RPL31: variants seen among roughly 807,000 people sequenced by gnomAD.
RPL31 encodes the protein large ribosomal subunit protein eL31.
For synonymous variants in RPL31, 51 were observed against 55.0 expected, an observed-to-expected ratio of 0.93 and a Z score of 0.32; for missense variants, 95 against 164.0, an observed-to-expected ratio of 0.58 and a Z score of 2.30.
downstream of RPL31, among the ~76,000 whole-genome samples, chr2:101,009,369 G>GCA (rs1023135696): frequency 6.7e-6 from 1 of 148,802 alleles, no homozygotes; most frequent in Non-Finnish European, 1.5e-5. Context: ...TCGTGCCACT[G>GCA]CACTCTAGCC....
exon 5 of RPL31, chr2:101,019,070 G>C: frequency 6.2e-7 from 1 of 1,600,650 alleles, no homozygotes; most frequent in Non-Finnish European, 8.5e-7. Context: ...ATGAGGCCTT[G>C]GGTCTCGGCT....
At position 101,018,250 on chromosome 2, in the gene RPL31, GAA is replaced by G. The variant is rs200248648; in HGVS notation, c.347-747_347-746del. On this transcript the variant is annotated intron_variant, in intron 4 of 4. Coordinates refer to the RPL31 transcript ENST00000409028. ...AAACATTTGTGACCTCCTTTTTTCCGAAGTTTAATTTTTGCTTTGAATTCATA... is the reference window on the plus strand; with the variant it reads ...AAACATTTGTGACCTCCTTTTTTCCGGTTTAATTTTTGCTTTGAATTCATA... 93 of 221,358 alleles carry G rather than the reference GAA, an allele frequency of 4.2e-4. 1 individual carries two copies. In the Middle Eastern group the frequency reaches 7.7e-3, roughly 18 times the overall value. 13.7% of individuals were successfully genotyped at this position (221,358 alleles called of 1,614,324 possible). A position where few individuals can be genotyped will look rare whatever the true frequency, so the allele number is the denominator to read the frequency against.
chr2:101,002,834 G>C (rs765505840), intron 2 of RPL31, 26 bp downstream of exon 2: 1 of 1,551,784 alleles, frequency 6.4e-7, no homozygotes, highest in South Asian at 1.1e-5. Flanking sequence ...GCCGCCCTGG[G>C]TCTCGAACTC....
intron 4 of RPL31, among the ~76,000 whole-genome samples, chr2:101,017,418 G>A (rs1679737140): frequency 6.6e-6 from 1 of 152,196 alleles, no homozygotes; most frequent in Non-Finnish European, 1.5e-5. Flanking sequence ...CGGCAATAGA[G>A]TTGTTTACAC....
At chr2:101,011,323 T>G, downstream of RPL31, 4 of 993,816 alleles carry the variant, frequency 4.0e-6, no homozygotes, top group Non-Finnish European at 6.1e-6. Context: ...GGCAGTGAGT[T>G]TGGGGATAAT....
intron 4 of RPL31, among the ~76,000 whole-genome samples, chr2:101,018,690 AG>A (rs1474374950): frequency 1.3e-5 from 2 of 152,228 alleles, no homozygotes; most frequent in East Asian, 3.8e-4. Flanking sequence ...TCATGATGTG[AG>A]GGGTCCTCAT....
In RPL31 at chr2:101,006,467, C is replaced by G. The variant is rs754433567; in HGVS notation, c.*86C>G. 13 of 1,258,470 alleles carry G rather than the reference C, an allele frequency of 1.0e-5. No homozygotes were observed. The highest frequency in any genetic ancestry group is 1.5e-5 in the South Asian group (1 of 68,836). 78.0% of individuals were successfully genotyped at this position (1,258,470 alleles called of 1,614,324 possible). A position where few individuals can be genotyped will look rare whatever the true frequency, so the allele number is the denominator to read the frequency against. On this transcript the variant is annotated 3_prime_UTR_variant, in exon 5 of 5. Transcript: ENST00000264258. ...TTGCAACATAATGTACTTGTATACC[C>G]TATCCTAATTATGGGATCATTTGAA...
chr2:101,016,497 C>A (rs374111144), intron 4 of RPL31, among the ~76,000 whole-genome samples: 26 of 152,096 alleles, frequency 1.7e-4, no homozygotes, highest in African/African-American at 6.3e-4. Context: ...TAGTTCAACC[C>A]TTGTGGAAGT....
rs1430462653 is a variant in RPL31 at position 101,007,210 on chromosome 2, T to C, written c.*829T>C. The C allele has an allele frequency of 6.6e-6, 1 of 152,282 alleles. No homozygotes were observed. Among genetic ancestry groups the C allele is most frequent in the Non-Finnish European group, 1.5e-5 (1 of 68,168 alleles). The allele number at this position is 152,282 out of a possible 1,614,324, so 9.4% of individuals were successfully genotyped here. A position where few individuals can be genotyped will look rare whatever the true frequency, so the allele number is the denominator to read the frequency against. On this transcript the variant is annotated 3_prime_UTR_variant, in exon 5 of 5. Coordinates refer to ENST00000264258, the MANE Select transcript of RPL31 (RefSeq NM_000993.5). Reference sequence around the variant, plus strand: ...CAGCTTAAGACACTTAACTACAAGGTAAAAGAAAAGGACCAAGTAAATACA... The same window carrying C: ...CAGCTTAAGACACTTAACTACAAGGCAAAAGAAAAGGACCAAGTAAATACA...
chr2:101,016,655 C>A (rs1477648106), intron 4 of RPL31, among the ~76,000 whole-genome samples: 5 of 152,110 alleles, frequency 3.3e-5, no homozygotes, highest in South Asian at 4.1e-4. Flanking sequence ...TTCACAATAG[C>A]AAAGACTTGG....
Position 101,002,807 on chromosome 2 carries a change from G to T in RPL31, c.106G>T (p.Val36Leu). The T allele has an allele frequency of 6.2e-7, 1 of 1,611,602 alleles. No homozygotes were observed. The highest frequency in any genetic ancestry group is 8.5e-7 in the Non-Finnish European group (1 of 1,177,758). The change falls in exon 2 of 5, where the codon GTG becomes TTG. Residue 36 changes from valine (V) to leucine (L), a missense_variant and splice_region_variant. Coordinates refer to ENST00000264258, the MANE Select transcript of RPL31 (RefSeq NM_000993.5). ...CAACATTCACAAGCGCATCCATGGA[G>T]TGTGAGTATCCCTCTAGCCGCCCTG... The part of the protein sequence containing the change: ...TINIHKRIHG[V>L]GFKKRAPRAL...
chr2:101,008,854 G>C (rs1216557448), downstream of RPL31, among the ~76,000 whole-genome samples: 2 of 152,076 alleles, frequency 1.3e-5, no homozygotes, highest in South Asian at 2.1e-4. Flanking sequence ...AGATTTATCT[G>C]TAGGGATCTT....
chr2:101,011,453 T>C (rs200716618), downstream of RPL31: 72 of 1,613,860 alleles, frequency 4.5e-5, no homozygotes, highest in African/African-American at 4.9e-4. Flanking sequence ...GTACGTGCCA[T>C]TGGGTTTCCC....
chr2:101,009,827 CTT>C (rs1202991001), downstream of RPL31, among the ~76,000 whole-genome samples: 1 of 121,838 alleles, frequency 8.2e-6, no homozygotes. Flanking sequence ...GGAGCTTTTT[CTT>C]TTTTTTTTTT....
intron 1 of RPL31, 174 bp from the exon 2 acceptor site, chr2:101,002,528 A>C (rs1573832246): frequency 3.2e-6 from 2 of 619,664 alleles, no homozygotes; most frequent in Non-Finnish European, 5.9e-6. Flanking sequence ...TCCGGGTCGG[A>C]GGCATCTGAG....
rs79950905 is a variant in RPL31, at chr2:101,004,571, T to G, written c.233+288T>G. The G allele has an allele frequency of 4.9e-3, 2,073 of 424,160 alleles. 48 individuals are homozygous for G. The highest frequency in any genetic ancestry group is 0.038 in the African/African-American group (1,877 of 49,162). 26.3% of individuals were successfully genotyped at this position (424,160 alleles called of 1,614,324 possible). On this transcript the variant is annotated intron_variant, in intron 3 of 4. Coordinates refer to ENST00000264258, the MANE Select transcript of RPL31 (RefSeq NM_000993.5). ...CTGGGAGCGGGGTGGTGAACGCAGG[T>G]AAAGTGGAATAAATCACTGTGAGCC...
chr2:101,018,368 T>A (rs55923142), intron 4 of RPL31: 16,655 of 157,504 alleles, frequency 0.11, 1,018 homozygotes, highest in Non-Finnish European at 0.14. Context: ...TGCTTTTTTT[T>A]AAAAAGCCAA....
downstream of RPL31, chr2:101,008,024 G>A: frequency 6.2e-7 from 1 of 1,613,990 alleles, no homozygotes; most frequent in Non-Finnish European, 8.5e-7. Context: ...GCCGCCTCTG[G>A]AAATGCCTGG....
At chr2:101,015,130 A>T (rs1226031088) in intron 4 of RPL31, among the ~76,000 whole-genome samples, 4 of 152,244 alleles carry the variant, frequency 2.6e-5, no homozygotes, top group Non-Finnish European at 4.4e-5. Context: ...CTAGGCTACA[A>T]ACCTGTACAG....
Sources: allele counts gnomAD v4.1 joint callset (sites outside exome capture counted in the v4.1 genomes callset), GRCh38; gene constraint gnomAD v4.1.1; transcripts MANE v1.5; gene names NCBI Gene and HGNC (gene_info 2026-07-23, HGNC 2026-07-21).